The following PHB2 variants were observed in gnomAD, a reference collection of about 807,000 sequenced individuals.
The protein encoded by PHB2 is prohibitin 2.
PHB2 carries 22 observed loss-of-function variants against 46.4 expected under a neutral mutation model. That is an observed-to-expected ratio of 0.47 (90% CI 0.34 to 0.68). The LOEUF (loss-of-function observed/expected upper bound fraction) is 0.68. PHB2 is among the 30% of genes least tolerant of loss of function. PHB2 has a pLI of 0.01. For synonymous variants in PHB2, 156 were observed against 150.5 expected, an observed-to-expected ratio of 1.04 and a Z score of -0.27; for missense variants, 305 against 382.8, an observed-to-expected ratio of 0.80 and a Z score of 1.70.
intron 8 of PHB2, 64 bp from the exon 9 acceptor site, chr12:6,965,980 G>C: frequency 6.4e-7 from 1 of 1,552,390 alleles, no homozygotes; most frequent in Non-Finnish European, 8.8e-7. Context: ...TTAATTGACA[G>C]CTTCAGGCCC....
At chr12:6,965,960 A>T in intron 8 of PHB2, 44 bp from the exon 9 acceptor site, 1 of 1,594,144 alleles carries the variant, frequency 6.3e-7, no homozygotes, top group South Asian at 1.1e-5. Context: ...AGAGAAGAGA[A>T]ATGCACATGT....
intron 2 of PHB2, 177 bp downstream of exon 2, chr12:6,970,019 G>A: frequency 4.2e-6 from 3 of 706,304 alleles, no homozygotes; most frequent in East Asian, 2.7e-5. Flanking sequence ...TTGTCCCTCT[G>A]GAAAACAACA....
intron 8 of PHB2, 78 bp from the exon 9 acceptor site, chr12:6,965,994 T>C: frequency 6.7e-7 from 1 of 1,484,408 alleles, no homozygotes; most frequent in East Asian, 2.3e-5. Context: ...CAGGCCCCAC[T>C]CAGCTTTGAA....
rs1555151126 is a variant in PHB2 at position 6,967,776 on chromosome 12, T to A, written c.611A>T (p.Gln204Leu). ...GAATTGGGCCCGCTGGGCCTCCTGCTGGGCTGTGGTGGGAGAGAGTCAGGG... is the reference window on the plus strand; with the variant it reads ...GAATTGGGCCCGCTGGGCCTCCTGCAGGGCTGTGGTGGGAGAGAGTCAGGG... ...TAAVEAKQVA[Q>L]QEAQRAQFLV... Residue 204 changes from glutamine to leucine, a missense_variant, in exon 6 of 10, where the codon CAG becomes CTG. Physicochemically the swap from Gln to Leu is moderately radical, Grantham distance 113. Coordinates refer to ENST00000535923, the MANE Select transcript of PHB2 (RefSeq NM_001144831.2). This position sits in a 1 kb window ranked among gnomAD's most constrained non-coding sequence, Gnocchi z 4.9. The A allele has an allele frequency of 6.2e-7, 1 of 1,613,508 alleles. No homozygotes were observed. Among genetic ancestry groups the A allele is most frequent in the South Asian group, 1.1e-5 (1 of 91,038 alleles).
At chr12:6,965,762 G>A (rs782775350) in intron 9 of PHB2, 50 bp from the exon 10 acceptor site, 4 of 1,569,162 alleles carry the variant, frequency 2.5e-6, no homozygotes, top group Non-Finnish European at 3.5e-6. Context: ...ACATAAATGT[G>A]AGAGGCAGGA....
rs1168964912 is a variant in PHB2, at chr12:6,969,888, G to C, written c.212+308C>G. 4 of 588,402 alleles carry C rather than the reference G, an allele frequency of 6.8e-6. No individual in the cohort carries two copies. In the Admixed American group the frequency reaches 9.7e-5, roughly 14 times the overall value. 36.4% of individuals were successfully genotyped at this position (588,402 alleles called of 1,614,324 possible). ...CACTCCAGCCTGGGCGACAGAGCAA[G>C]ACTCCCTCTCCAAAAAAAAAAAAAG... is the stretch of plus-strand genomic sequence containing the variant. On this transcript the variant is annotated intron_variant, in intron 2 of 9. Coordinates refer to ENST00000535923, the MANE Select transcript of PHB2 (RefSeq NM_001144831.2).
chr12:6,968,403 AG>A lies in PHB2; in HGVS notation c.477+7del, dbSNP rs782610168. 6.3e-7 allele frequency: 1 copy of A among 1,594,226 alleles called. No individual in the cohort carries two copies. The highest frequency in any genetic ancestry group is 8.6e-7 in the Non-Finnish European group (1 of 1,165,520). Reference sequence around the variant, plus strand: ...CTGACACCACGCAGATGGTGGTGGGAGTCAGACCTGGGCCCGCTGGGTGATC... The same window carrying A: ...CTGACACCACGCAGATGGTGGTGGGATCAGACCTGGGCCCGCTGGGTGATC... On this transcript the variant is annotated splice_region_variant and intron_variant, in intron 4 of 9. Coordinates refer to ENST00000535923, the MANE Select transcript of PHB2 (RefSeq NM_001144831.2).
At chr12:6,966,038 G>T (rs1022378889) in intron 8 of PHB2, 122 bp from the exon 9 acceptor site, 3 of 1,055,426 alleles carry the variant, frequency 2.8e-6, no homozygotes, top group Admixed American at 4.0e-5. Context: ...AGATAAACAG[G>T]GTTGACAGCC....
chr12:6,970,517 C>T lies in PHB2; in HGVS notation c.27G>A (p.Ala9=). The change falls in exon 1 of 10, where the codon GCG becomes GCA. Residue 9 remains alanine, a synonymous_variant. Transcript: ENST00000535923. ...CCCGGGGCCCGGCGGGCAGCCGTCC[C>T]GCCAAGTCCTTCAAGTTCTGGGCCA... MAQNLKDL[A]GRLPAGPRGM... The T allele has an allele frequency of 6.2e-7, 1 of 1,604,612 alleles. No individual in the cohort carries two copies. Among genetic ancestry groups the T allele is most frequent in the African/African-American group, 1.3e-5 (1 of 74,922 alleles).
Position 6,970,293 on chromosome 12 carries a change from G to A in PHB2, c.128-13C>T. On this transcript the variant is annotated splice_polypyrimidine_tract_variant and intron_variant, in intron 1 of 9. Transcript: ENST00000535923. Reference sequence around the variant, plus strand: ...TGCCCGCCTTCCACTGTGGGGAGATGGGTGGTGATCAGGCCAGGCCGCTGC... The same window carrying A: ...TGCCCGCCTTCCACTGTGGGGAGATAGGTGGTGATCAGGCCAGGCCGCTGC... 1.2e-6 allele frequency: 2 copies of A among 1,612,164 alleles called. No individual in the cohort carries two copies. Among genetic ancestry groups the A allele is most frequent in the Non-Finnish European group, 1.7e-6 (2 of 1,178,936 alleles).
intron 7 of PHB2, among the ~76,000 whole-genome samples, chr12:6,966,719 C>T (rs2110073): frequency 0.23 from 35,312 of 152,102 alleles, 7,427 homozygotes; most frequent in African/African-American, 0.57. Context: ...TCATTCTTGA[C>T]AGGAGGAGTA....
At chr12:6,970,674 C>T (rs1357850865), upstream of PHB2, 2 of 1,136,036 alleles carry the variant, frequency 1.8e-6, no homozygotes, top group African/African-American at 1.6e-5. Context: ...GAAAGGGCAG[C>T]GGAAGTGCGC....
intron 8 of PHB2, 153 bp downstream of exon 8, chr12:6,966,271 A>ATTTT: frequency 1.6e-6 from 1 of 634,956 alleles, no homozygotes; most frequent in East Asian, 2.7e-5. Flanking sequence ...ATCCTATGAG[A>ATTTT]TGCAAGATAG....
chr12:6,969,702 C>A, intron 2 of PHB2, 125 bp from the exon 3 acceptor site: 1 of 619,750 alleles, frequency 1.6e-6, no homozygotes, highest in Non-Finnish European at 3.0e-6. Context: ...GAGTTCGAGA[C>A]CAGCTTGATC....
rs782248904 is a variant in PHB2 at position 6,970,280 on chromosome 12, A to G, written c.128T>C (p.Val43Ala). The change falls in exon 2 of 10, where the codon GTG (valine) becomes GCG (alanine). Residue 43 changes from valine (V) to alanine (A), a missense_variant and splice_region_variant. By Grantham distance (64) the Val-to-Ala change is moderately conservative. Around this residue, in one of 3 missense-constraint regions of PHB2, gnomAD observed 60 missense variants for 61.0 expected, o/e 0.98. Coordinates refer to ENST00000535923, the MANE Select transcript of PHB2 (RefSeq NM_001144831.2). The stretch of plus-strand genomic sequence containing the variant: ...GAAGATGGCTCTGTGCCCGCCTTCC[A>G]CTGTGGGGAGATGGGTGGTGATCAG... The part of the protein sequence containing the change: ...AYGVRESVFT[V>A]EGGHRAIFFN... 15 of 1,613,104 alleles carry G rather than the reference A, an allele frequency of 9.3e-6. No homozygotes were observed. The highest frequency in any genetic ancestry group is 1.3e-5 in the Non-Finnish European group (15 of 1,179,622).
chr12:6,970,249 A>G lies in PHB2; in HGVS notation c.159T>C (p.Asn53=), dbSNP rs1555151821. 1 of 1,613,830 alleles carries G rather than the reference A, an allele frequency of 6.2e-7. No individual in the cohort carries two copies. Among genetic ancestry groups the G allele is most frequent in the African/African-American group, 1.3e-5 (1 of 75,060 alleles). The part of the protein sequence containing the change: ...VEGGHRAIFF[N]RIGGVQQDTI... ...TGTCCTGCTGCACTCCACCGATCCG[A>G]TTGAAGAAGATGGCTCTGTGCCCGC... is the stretch of plus-strand genomic sequence containing the variant. Residue 53 remains asparagine (N), a synonymous_variant, in exon 2 of 10, where the codon AAT becomes AAC. Transcript: ENST00000535923.
rs781881444 is a variant in PHB2, at chr12:6,970,134, G to C, written c.212+62C>G. 3.2e-5 allele frequency: 38 copies of C among 1,197,860 alleles called. No individual in the cohort carries two copies. The African/African-American group carries it at 4.6e-4, about 15-fold the overall frequency. The allele number at this position is 1,197,860 out of a possible 1,614,324, so 74.2% of individuals were successfully genotyped here. A position where few individuals can be genotyped will look rare whatever the true frequency, so the allele number is the denominator to read the frequency against. On this transcript the variant is annotated intron_variant, in intron 2 of 9. Coordinates refer to ENST00000535923, the MANE Select transcript of PHB2 (RefSeq NM_001144831.2). ...GAATCCTGTTGCACGTCCGACTATA[G>C]CCACTGCTGGGTCGGCGTCAAGGGT... is the stretch of plus-strand genomic sequence containing the variant.
intron 7 of PHB2, 150 bp from the exon 8 acceptor site, chr12:6,966,650 G>A: frequency 1.5e-6 from 1 of 655,198 alleles, no homozygotes. Flanking sequence ...CGCACTTAGG[G>A]ATCCAGAGCG....
At chr12:6,970,743 G>C (rs1565592212), upstream of PHB2, 4 of 928,628 alleles carry the variant, frequency 4.3e-6, no homozygotes, top group Non-Finnish European at 4.7e-6. Context: ...CACAGGAATC[G>C]CGCATACGGA....
Sources: gnomAD v4.1 joint callset for allele counts (sites outside exome capture counted in the v4.1 genomes callset) on GRCh38, gnomAD v4.1.1 for gene constraint, gnomAD v4.1.1 regional missense constraint, Gnocchi (gnomAD v3.1) non-coding constraint, MANE v1.5 for transcripts, NCBI Gene and HGNC (gene_info 2026-07-23, HGNC 2026-07-21) for gene names.